Variants in UBE2QL1 observed in about 807,000 individuals in gnomAD.
The protein encoded by UBE2QL1 is ubiquitin-conjugating enzyme E2Q-like protein 1.
UBE2QL1 carries 5 observed loss-of-function variants against 12.6 expected under a neutral mutation model. That is an observed-to-expected ratio of 0.40 (90% CI 0.21 to 0.83). The LOEUF is 0.83. UBE2QL1 is among the 40% of genes least tolerant of loss of function. UBE2QL1 has a pLI of 0.37. For synonymous variants in UBE2QL1, 96 were observed against 94.5 expected, an observed-to-expected ratio of 1.02 and a Z score of -0.10; for missense variants, 99 against 222.6, an observed-to-expected ratio of 0.44 and a Z score of 3.53.
Position 6,491,555 on chromosome 5 carries a change from T to G in UBE2QL1, c.*206T>G, listed in dbSNP as rs1734570663. 3.7e-6 allele frequency: 2 copies of G among 542,864 alleles called. No individual in the cohort carries two copies. The highest frequency in any genetic ancestry group is 5.8e-6 in the Non-Finnish European group (2 of 347,688). The allele number at this position is 542,864 out of a possible 1,614,324, so 33.6% of individuals were successfully genotyped here. A position where few individuals can be genotyped will look rare whatever the true frequency, so the allele number is the denominator to read the frequency against. ...AATGCCGTTCGGATTATGTTTCGAT[T>G]ATAAATGAATGATCACCTCGAAGTC... is the stretch of plus-strand genomic sequence containing the variant. On this transcript the variant is annotated 3_prime_UTR_variant, in exon 2 of 2. Transcript: ENST00000399816.
rs1446388564 is a variant in UBE2QL1 at position 6,492,442 on chromosome 5, A to G, written c.*1093A>G. 2 of 152,042 alleles carry G rather than the reference A, an allele frequency of 1.3e-5. No homozygotes were observed. The highest frequency in any genetic ancestry group is 1.9e-4 in the East Asian group (1 of 5,186). The allele number at this position is 152,042 out of a possible 1,614,324, so 9.4% of individuals were successfully genotyped here. A position where few individuals can be genotyped will look rare whatever the true frequency, so the allele number is the denominator to read the frequency against. Reference sequence around the variant, plus strand: ...GTTATTTAATCTCCCCCACGGTTTCATTTTTCTCTTCTGTTAATACTTAGA... The same window carrying G: ...GTTATTTAATCTCCCCCACGGTTTCGTTTTTCTCTTCTGTTAATACTTAGA... On this transcript the variant is annotated 3_prime_UTR_variant, in exon 2 of 2. Transcript: ENST00000399816.
intron 1 of UBE2QL1, among the ~76,000 whole-genome samples, chr5:6,460,008 C>T (rs74318838): frequency 0.083 from 12,675 of 152,146 alleles, 1,015 homozygotes; most frequent in East Asian, 0.37. Flanking sequence ...TGCGAAAGAT[C>T]CTAAACCTTA....
intron 1 of UBE2QL1, among the ~76,000 whole-genome samples, chr5:6,477,102 G>A (rs994496750): frequency 6.6e-5 from 10 of 152,222 alleles, no homozygotes; most frequent in South Asian, 2.1e-4. Context: ...CTACACCAGC[G>A]CCCACACTCT....
chr5:6,483,046 C>T (rs147208300), intron 1 of UBE2QL1, among the ~76,000 whole-genome samples: 1 of 152,358 alleles, frequency 6.6e-6, no homozygotes, highest in East Asian at 1.9e-4. Flanking sequence ...TCTGATCAGA[C>T]CAATGCTCTT....
chr5:6,457,334 CA>C (rs1444799128), intron 1 of UBE2QL1, among the ~76,000 whole-genome samples: 1 of 152,046 alleles, frequency 6.6e-6, no homozygotes, highest in Admixed American at 6.5e-5. Context: ...ACCACTCCTT[CA>C]ATAAAAGCGA....
intron 1 of UBE2QL1, among the ~76,000 whole-genome samples, chr5:6,472,333 G>A (rs1388398990): frequency 2.6e-5 from 4 of 152,170 alleles, no homozygotes; most frequent in Non-Finnish European, 1.5e-5. Context: ...CCAGCTGTGA[G>A]CTCACAAGAG....
At chr5:6,482,105 T>C (rs1389873847) in intron 1 of UBE2QL1, among the ~76,000 whole-genome samples, 5 of 152,104 alleles carry the variant, frequency 3.3e-5, no homozygotes. Context: ...CAGAGACAGA[T>C]TCACAGAGAA....
At chr5:6,482,005 A>G (rs954309852) in intron 1 of UBE2QL1, among the ~76,000 whole-genome samples, 1 of 152,194 alleles carries the variant, frequency 6.6e-6, no homozygotes, top group African/African-American at 2.4e-5. Flanking sequence ...GCCTTTGCAG[A>G]AGTCATTGAG....
Position 6,494,426 on chromosome 5 carries a change from T to A in UBE2QL1, c.*3077T>A, listed in dbSNP as rs1734631128. On this transcript the variant is annotated 3_prime_UTR_variant, in exon 2 of 2. Coordinates refer to ENST00000399816, the MANE Select transcript of UBE2QL1 (RefSeq NM_001145161.3). ...AGCTCCATCTATCAAAATTTGACCT[T>A]TTTTTAAGAGAAAAATATGTAGATG... 1 of 152,164 alleles carries A rather than the reference T, an allele frequency of 6.6e-6. No individual in the cohort carries two copies. Among genetic ancestry groups the A allele is most frequent in the Non-Finnish European group, 1.5e-5 (1 of 68,036 alleles). 9.4% of individuals were successfully genotyped at this position (152,164 alleles called of 1,614,324 possible). A position where few individuals can be genotyped will look rare whatever the true frequency, so the allele number is the denominator to read the frequency against.
rs1055246645 is a variant in UBE2QL1 at position 6,495,683 on chromosome 5, C to G, written c.*4334C>G. Among the ~76,000 whole-genome samples the G allele has an allele frequency of 6.6e-6, 1 of 152,186 alleles. No individual in the cohort carries two copies. Among genetic ancestry groups the G allele is most frequent in the African/African-American group, 2.4e-5 (1 of 41,442 alleles). On this transcript the variant is annotated 3_prime_UTR_variant, in exon 2 of 2. Transcript: ENST00000399816. ...GCCCAAAGCAAATTGGAGCAAAGGG[C>G]AGAAATTCCCTCCAACTGTTTTGGG...
intron 1 of UBE2QL1, among the ~76,000 whole-genome samples, chr5:6,483,847 C>T (rs565234508): frequency 3.9e-5 from 6 of 152,140 alleles, no homozygotes; most frequent in African/African-American, 4.8e-5. Flanking sequence ...CCCCACCACC[C>T]AATGCACTGT....
rs945392133 is a variant in UBE2QL1 at position 6,495,822 on chromosome 5, G to A, written c.*4473G>A. ...CAGCTCTGTTCTTAGTTTTCTGCTA[G>A]GTTCTACTTATCCTTCTAATTTTTG... On this transcript the variant is annotated 3_prime_UTR_variant, in exon 2 of 2. Coordinates refer to ENST00000399816, the MANE Select transcript of UBE2QL1 (RefSeq NM_001145161.3). 1.3e-5 allele frequency among the ~76,000 whole-genome samples: 2 copies of A among 152,162 alleles called. No homozygotes were observed. Among genetic ancestry groups the A allele is most frequent in the Admixed American group, 1.3e-4 (2 of 15,286 alleles).
intron 1 of UBE2QL1, among the ~76,000 whole-genome samples, chr5:6,477,230 C>T (rs1734251601): frequency 6.6e-6 from 1 of 152,232 alleles, no homozygotes. Context: ...TTTGGCCTGG[C>T]CGTGACCTCC....
intron 1 of UBE2QL1, among the ~76,000 whole-genome samples, chr5:6,486,463 C>G (rs879487312): frequency 2.6e-5 from 4 of 152,130 alleles, no homozygotes; most frequent in Non-Finnish European, 4.4e-5. Context: ...AAACACCTGC[C>G]CACCTATGTC....
rs1371096869 is a variant in UBE2QL1, at chr5:6,477,269, C to T, written c.355-13949C>T. On this transcript the variant is annotated intron_variant, in intron 1 of 1. Transcript: ENST00000399816. ...CAGTCACCCTGCCACCATTGCAGACCAAGTCGCCATTTTAGTCATGCCAAA... is the reference window on the plus strand; with the variant it reads ...CAGTCACCCTGCCACCATTGCAGACTAAGTCGCCATTTTAGTCATGCCAAA... 5.9e-5 allele frequency among the ~76,000 whole-genome samples: 9 copies of T among 152,348 alleles called. No homozygotes were observed. The East Asian group carries it at 1.4e-3, about 23-fold the overall frequency.
At chr5:6,467,348 G>T (rs2126344999) in intron 1 of UBE2QL1, among the ~76,000 whole-genome samples, 1 of 152,214 alleles carries the variant, frequency 6.6e-6, no homozygotes, top group Non-Finnish European at 1.5e-5. Context: ...CCTGGAGAGG[G>T]GAAGTCTGAG....
intron 1 of UBE2QL1, among the ~76,000 whole-genome samples, chr5:6,456,289 T>C (rs1399969657): frequency 6.6e-6 from 1 of 152,190 alleles, no homozygotes; most frequent in South Asian, 2.1e-4. Context: ...GGGTATATAG[T>C]GGGGACATGG....
chr5:6,449,868 A>AACCCCCC (rs1739376273), intron 1 of UBE2QL1, among the ~76,000 whole-genome samples: 2 of 117,124 alleles, frequency 1.7e-5, no homozygotes, highest in Non-Finnish European at 3.5e-5. Context: ...CACCTCCCCA[A>AACCCCCC]CCCCCCCCAC....
chr5:6,448,903 C>T lies in UBE2QL1; in HGVS notation c.10C>T (p.Leu4=). 1 of 1,535,914 alleles carries T rather than the reference C, an allele frequency of 6.5e-7. No individual in the cohort carries two copies. Among genetic ancestry groups the T allele is most frequent in the Non-Finnish European group, 8.8e-7 (1 of 1,140,520 alleles). The change falls in exon 1 of 2, where the codon CTG becomes TTG. Residue 4 remains leucine, a synonymous_variant. Transcript: ENST00000399816. MKE[L]QDIARLSDRF... is the part of the protein sequence containing the mutation. ...GCGCAGCCGGCGGCTCATGAAGGAG[C>T]TGCAGGACATCGCGCGCCTTAGCGA...
Sources: allele counts gnomAD v4.1 joint callset (sites outside exome capture counted in the v4.1 genomes callset), GRCh38; gene constraint gnomAD v4.1.1; transcripts MANE v1.5; gene names NCBI Gene and HGNC (gene_info 2026-07-23, HGNC 2026-07-21).